The following ERC2 variants were observed in gnomAD, a reference collection of about 807,000 sequenced individuals.
ERC2 encodes the protein ERC protein 2.
ERC2 carries 42 observed loss-of-function variants against 114.8 expected under a neutral mutation model. That is an observed-to-expected ratio of 0.37 (90% CI 0.29 to 0.47). ERC2 has a LOEUF of 0.47. ERC2 is among the 20% of genes least tolerant of loss of function. The pLI, the probability that ERC2 is intolerant of heterozygous loss-of-function variation, is 0.99. For missense variants in ERC2, 939 were observed against 1,150.7 expected (o/e 0.82, Z 2.66); for synonymous variants, 454 against 425.5 (o/e 1.07, Z -0.82).
intron 14 of ERC2, among the ~76,000 whole-genome samples, chr3:55,790,970 T>C (rs538529101): frequency 6.6e-6 from 1 of 152,232 alleles, no homozygotes; most frequent in Non-Finnish European, 1.5e-5. Context: ...GGGTGTGAGT[T>C]TGGGCAGGGG....
chr3:55,879,094 TCTTAA>T (rs1559805455), intron 14 of ERC2, among the ~76,000 whole-genome samples: 1 of 53,224 alleles, frequency 1.9e-5, no homozygotes, highest in African/African-American at 6.9e-5. Flanking sequence ...TTTTTCTTTT[TCTTAA>T]TTTTTTTTTT....
At chr3:55,884,196 T>C (rs994197925) in intron 14 of ERC2, among the ~76,000 whole-genome samples, 5 of 152,208 alleles carry the variant, frequency 3.3e-5, no homozygotes, top group African/African-American at 1.2e-4. Flanking sequence ...ACACTGGAAC[T>C]GACACAGATG....
intron 1 of ERC2, among the ~76,000 whole-genome samples, chr3:56,462,611 A>T (rs1365055143): frequency 1.3e-5 from 2 of 152,186 alleles, no homozygotes; most frequent in African/African-American, 4.8e-5. Flanking sequence ...CAGAGGCAAG[A>T]TGATGATCCT....
rs2071105896 is a variant in ERC2 at position 55,992,060 on chromosome 3, T to C, written c.2252A>G (p.Glu751Gly). ...NDKDKKIAEL[E>G]SLTLRHMKDQ... Reference sequence around the variant, plus strand: ...TTTATATAACTGTAAAATTTACCTCTCCAGTTCTGCGATCTTCTTGTCCTT... The same window carrying C: ...TTTATATAACTGTAAAATTTACCTCCCCAGTTCTGCGATCTTCTTGTCCTT... Residue 751 changes from glutamate to glycine, a missense_variant, in exon 11 of 18, where the codon GAG becomes GGG. Coordinates refer to ENST00000288221, the MANE Select transcript of ERC2 (RefSeq NM_015576.3). 1.2e-6 allele frequency: 2 copies of C among 1,612,896 alleles called. No individual in the cohort carries two copies. Among genetic ancestry groups the C allele is most frequent in the Non-Finnish European group, 1.7e-6 (2 of 1,179,506 alleles).
chr3:55,889,915 G>T (rs889315952), intron 13 of ERC2, among the ~76,000 whole-genome samples: 1 of 152,040 alleles, frequency 6.6e-6, no homozygotes, highest in African/African-American at 2.4e-5. Context: ...TCACATCCAA[G>T]GTAAATTATA....
chr3:56,411,092 A>G (rs1257631892), intron 2 of ERC2, among the ~76,000 whole-genome samples: 5 of 150,656 alleles, frequency 3.3e-5, no homozygotes, highest in African/African-American at 1.2e-4. Flanking sequence ...CTTAACCTCA[A>G]TTTAGTTACA....
At chr3:55,532,282 C>G (rs192266039) in intron 17 of ERC2, among the ~76,000 whole-genome samples, 1 of 152,306 alleles carries the variant, frequency 6.6e-6, no homozygotes, top group Non-Finnish European at 1.5e-5. Context: ...GTTTCACTGC[C>G]TTGATCAGAG....
chr3:56,394,151 G>A (rs1030163702), intron 2 of ERC2, among the ~76,000 whole-genome samples: 5 of 152,170 alleles, frequency 3.3e-5, no homozygotes, highest in Non-Finnish European at 1.5e-5. Context: ...TACCAAAGCA[G>A]AAGTGAAAAC....
At chr3:56,427,044 T>C (rs1030144770) in intron 2 of ERC2, among the ~76,000 whole-genome samples, 1 of 148,272 alleles carries the variant, frequency 6.7e-6, no homozygotes, top group Admixed American at 6.7e-5. Context: ...GGTGGTGTGG[T>C]CCCAGTACTG....
At chr3:56,130,485 C>G (rs2080137612) in intron 6 of ERC2, among the ~76,000 whole-genome samples, 1 of 152,292 alleles carries the variant, frequency 6.6e-6, no homozygotes, top group South Asian at 2.1e-4. Flanking sequence ...AAGATTCAAA[C>G]TGAACACCTG....
At chr3:56,410,794 C>T (rs1006808978) in intron 2 of ERC2, among the ~76,000 whole-genome samples, 1 of 152,038 alleles carries the variant, frequency 6.6e-6, no homozygotes, top group African/African-American at 2.4e-5. Context: ...TTAACTACTC[C>T]AAGTATCTTG....
intron 3 of ERC2, among the ~76,000 whole-genome samples, chr3:56,204,156 T>C (rs1428000701): frequency 2.0e-5 from 3 of 152,096 alleles, no homozygotes; most frequent in Non-Finnish European, 4.4e-5. Flanking sequence ...ACCACTGCAC[T>C]CCAGCCTGGG....
intron 2 of ERC2, among the ~76,000 whole-genome samples, chr3:56,362,577 G>A (rs559634468): frequency 6.6e-6 from 1 of 152,344 alleles, no homozygotes; most frequent in South Asian, 2.1e-4. Flanking sequence ...ATTGATTTTG[G>A]TGGTGGATGG....
At chr3:56,320,941 G>T (rs1199464955) in intron 2 of ERC2, among the ~76,000 whole-genome samples, 1 of 152,116 alleles carries the variant, frequency 6.6e-6, no homozygotes, top group African/African-American at 2.4e-5. Context: ...GCCCATTGTA[G>T]CCCCTCAATG....
At chr3:55,708,449 G>A (rs2148848551) in intron 15 of ERC2, among the ~76,000 whole-genome samples, 1 of 152,312 alleles carries the variant, frequency 6.6e-6, no homozygotes, top group South Asian at 2.1e-4. Context: ...GCTATACTTA[G>A]CTTTTAAACA....
At chr3:56,085,791 G>A (rs1285714541) in intron 6 of ERC2, among the ~76,000 whole-genome samples, 2 of 152,132 alleles carry the variant, frequency 1.3e-5, no homozygotes, top group Non-Finnish European at 2.9e-5. Flanking sequence ...GGTTATAAAG[G>A]GGTTACAATC....
At chr3:55,861,631 TAAG>T (rs1251785664) in intron 14 of ERC2, among the ~76,000 whole-genome samples, 1 of 152,212 alleles carries the variant, frequency 6.6e-6, no homozygotes, top group Non-Finnish European at 1.5e-5. Context: ...CTATTCATTC[TAAG>T]GTCTTTTGTT....
chr3:55,800,328 G>A (rs535434355), intron 14 of ERC2, among the ~76,000 whole-genome samples: 1 of 152,034 alleles, frequency 6.6e-6, no homozygotes, highest in Non-Finnish European at 1.5e-5. Flanking sequence ...ATTTTTAGTA[G>A]AAATGGGGTT....
intron 15 of ERC2, among the ~76,000 whole-genome samples, chr3:55,702,768 G>A (rs902657449): frequency 3.9e-5 from 6 of 152,150 alleles, no homozygotes; most frequent in Admixed American, 2.6e-4. Flanking sequence ...CCACAGCCCT[G>A]TAGCCTCAGA....
Sources: allele counts gnomAD v4.1 joint callset (sites outside exome capture counted in the v4.1 genomes callset), GRCh38; gene constraint gnomAD v4.1.1; transcripts MANE v1.5; gene names NCBI Gene and HGNC (gene_info 2026-07-23, HGNC 2026-07-21).